Variants in PRKCH observed in about 807,000 individuals in gnomAD.
The protein encoded by PRKCH is protein kinase C eta type.
Under a neutral mutation model 82.5 loss-of-function variants are expected in PRKCH, and 28 were observed. That is an observed-to-expected ratio of 0.34 (90% CI 0.25 to 0.47). The LOEUF is 0.47. PRKCH is among the 20% of genes least tolerant of loss of function. The probability of loss-of-function intolerance (pLI) is 1.00; values close to 1 mark genes in which losing one functional copy is unlikely to be tolerated. For missense variants in PRKCH, 705 were observed against 881.8 expected, an observed-to-expected ratio of 0.80 and a Z score of 2.54; for synonymous variants, 322 against 327.4, an observed-to-expected ratio of 0.98 and a Z score of 0.18.
chr14:61,319,572 A>T (rs866913384), upstream of PRKCH, among the ~76,000 whole-genome samples: 15 of 151,874 alleles, frequency 9.9e-5, no homozygotes, highest in South Asian at 2.1e-4. Flanking sequence ...TTTAAAATTT[A>T]AAAAAAAATT....
At chr14:61,187,501 T>G (rs558640059), upstream of PRKCH, 1 of 152,314 alleles carries the variant, frequency 6.6e-6, no homozygotes, top group Non-Finnish European at 1.5e-5. Context: ...GCAGTGGGTA[T>G]CAGAGCTCAG....
intron 10 of PRKCH, among the ~76,000 whole-genome samples, chr14:61,509,556 T>A (rs910166397): frequency 1.3e-5 from 2 of 152,040 alleles, no homozygotes; most frequent in Non-Finnish European, 2.9e-5. Context: ...CAGAGTGAAA[T>A]GCAAACAGAA....
At chr14:61,345,262 T>G (rs1420500466) in intron 1 of PRKCH, among the ~76,000 whole-genome samples, 1 of 152,206 alleles carries the variant, frequency 6.6e-6, no homozygotes, top group Non-Finnish European at 1.5e-5. Flanking sequence ...TGTTGTGAAG[T>G]CTTTTGTCAG....
chr14:61,295,398 T>C (rs995411458), intron 1 of PRKCH, among the ~76,000 whole-genome samples: 1 of 152,244 alleles, frequency 6.6e-6, no homozygotes, highest in Admixed American at 6.5e-5. Context: ...CACCAGGTGA[T>C]ACTGATGTTG....
At chr14:61,246,176 C>T (rs1048723285) in intron 1 of PRKCH, among the ~76,000 whole-genome samples, 9 of 150,690 alleles carry the variant, frequency 6.0e-5, no homozygotes, top group Non-Finnish European at 8.8e-5. Flanking sequence ...GAGGCCGAGG[C>T]GAGTGGATCA....
chr14:61,394,452 G>A (rs941943199), intron 2 of PRKCH, among the ~76,000 whole-genome samples: 1 of 152,162 alleles, frequency 6.6e-6, no homozygotes, highest in Non-Finnish European at 1.5e-5. Flanking sequence ...GTAGAACATG[G>A]ATCAGCTATG....
intron 1 of PRKCH, among the ~76,000 whole-genome samples, chr14:61,356,476 C>A (rs2046151811): frequency 6.6e-6 from 1 of 152,254 alleles, no homozygotes; most frequent in South Asian, 2.1e-4. Flanking sequence ...AGCCAACAGA[C>A]CGACATATTT....
At chr14:61,366,257 T>A (rs2046295779) in intron 1 of PRKCH, among the ~76,000 whole-genome samples, 1 of 152,172 alleles carries the variant, frequency 6.6e-6, no homozygotes, top group Non-Finnish European at 1.5e-5. Context: ...TAGGATTTTT[T>A]AAATTAGCAT....
intron 2 of PRKCH, among the ~76,000 whole-genome samples, chr14:61,412,277 A>T (rs1232381024): frequency 6.6e-6 from 1 of 152,268 alleles, no homozygotes; most frequent in Non-Finnish European, 1.5e-5. Flanking sequence ...AATGGTTATT[A>T]TAACTATATT....
intron 6 of PRKCH, 194 bp from the exon 7 acceptor site, chr14:61,453,032 C>T: frequency 1.6e-6 from 1 of 639,526 alleles, no homozygotes; most frequent in Admixed American, 3.2e-5. Flanking sequence ...TGCCTTTCTG[C>T]TTCTGCAGAA....
intron 1 of PRKCH, among the ~76,000 whole-genome samples, chr14:61,218,466 T>G (rs2044630867): frequency 6.6e-6 from 1 of 152,182 alleles, no homozygotes; most frequent in Non-Finnish European, 1.5e-5. Flanking sequence ...ATGAATATGC[T>G]TTGCTAAGTA....
intron 1 of PRKCH, among the ~76,000 whole-genome samples, chr14:61,233,455 C>T (rs1246201197): frequency 6.6e-6 from 1 of 151,914 alleles, no homozygotes; most frequent in Non-Finnish European, 1.5e-5. Context: ...TACAGTTTTA[C>T]CCTTTAAGGA....
At chr14:61,294,199 C>A (rs2045388194) in intron 1 of PRKCH, among the ~76,000 whole-genome samples, 1 of 152,040 alleles carries the variant, frequency 6.6e-6, no homozygotes, top group African/African-American at 2.4e-5. Context: ...CGGCTCACTG[C>A]AAGCTCCACC....
In PRKCH at chr14:61,363,945, T is replaced by C. The variant is rs537099510; in HGVS notation, c.364-27280T>C. On this transcript the variant is annotated intron_variant, in intron 1 of 13. Coordinates refer to ENST00000332981, the MANE Select transcript of PRKCH (RefSeq NM_006255.5). The stretch of plus-strand genomic sequence containing the variant: ...ATATATATGTAAAAATATGTAAATA[T>C]ATAAAATTTTATATATATACGTGTG... Among the ~76,000 whole-genome samples the C allele has an allele frequency of 1.2e-3, 179 of 148,618 alleles. 3 individuals carry two copies. The highest frequency in any genetic ancestry group is 4.3e-3 in the African/African-American group (173 of 40,552).
chr14:61,530,030 T>C (rs2043025279), intron 11 of PRKCH, among the ~76,000 whole-genome samples: 1 of 152,264 alleles, frequency 6.6e-6, no homozygotes, highest in Non-Finnish European at 1.5e-5. Flanking sequence ...GTGATTTAAT[T>C]TCAGCGTCAT....
intron 2 of PRKCH, among the ~76,000 whole-genome samples, chr14:61,399,281 A>G: frequency 6.6e-6 from 1 of 152,234 alleles, no homozygotes; most frequent in East Asian, 1.9e-4. Context: ...ATAAAATGAC[A>G]AATTTCAAGA....
intron 1 of PRKCH, among the ~76,000 whole-genome samples, chr14:61,204,351 G>T (rs548007712): frequency 2.6e-5 from 4 of 152,080 alleles, no homozygotes; most frequent in Non-Finnish European, 5.9e-5. Flanking sequence ...GAAATTGAGG[G>T]ATAGAAAGTT....
At chr14:61,448,741 T>C (rs1439701056) in intron 4 of PRKCH, among the ~76,000 whole-genome samples, 1 of 152,212 alleles carries the variant, frequency 6.6e-6, no homozygotes, top group Non-Finnish European at 1.5e-5. Flanking sequence ...ATGTAGTTTT[T>C]ACTGGAACAA....
intron 1 of PRKCH, among the ~76,000 whole-genome samples, chr14:61,272,340 C>CTTTTTTTTTTTTTTTTTT (rs1335053986): frequency 5.1e-5 from 5 of 97,836 alleles, no homozygotes; most frequent in Admixed American, 1.3e-4. Context: ...TTTCTTTTTT[C>CTTTTTTTTTTTTTTTTTT]TTTCTTTTTT....
Sources: gnomAD v4.1 joint callset for allele counts (sites outside exome capture counted in the v4.1 genomes callset) on GRCh38, gnomAD v4.1.1 for gene constraint, MANE v1.5 for transcripts, NCBI Gene and HGNC (gene_info 2026-07-23, HGNC 2026-07-21) for gene names.